Variants in GRIN2B observed in about 807,000 individuals in gnomAD.
GRIN2B encodes the protein glutamate ionotropic receptor NMDA type subunit 2B.
GRIN2B carries 5 observed loss-of-function variants against 114.5 expected under a neutral mutation model. The ratio of observed to expected loss-of-function variants is 0.04; its 90% CI spans 0.02 to 0.09. The LOEUF (loss-of-function observed/expected upper bound fraction) is 0.09. GRIN2B is among the 10% of genes least tolerant of loss of function. GRIN2B has a pLI of 1.00. For synonymous variants in GRIN2B, 787 were observed against 745.1 expected (o/e 1.06, Z -0.92); for missense variants, 1,108 against 1,943.5 (o/e 0.57, Z 8.08).
At chr12:13,686,755 TGC>T (rs1950176935) in intron 4 of GRIN2B, among the ~76,000 whole-genome samples, 1 of 152,142 alleles carries the variant, frequency 6.6e-6, no homozygotes, top group Non-Finnish European at 1.5e-5. Flanking sequence ...CTATCACAGC[TGC>T]AAAATCATCA....
In GRIN2B at chr12:13,544,277, A is replaced by G. The variant is rs1948317963; in HGVS notation, c.*18506T>C. The G allele has an allele frequency of 6.6e-6, 1 of 151,984 alleles. No homozygotes were observed. The allele number at this position is 151,984 out of a possible 1,614,324, so 9.4% of individuals were successfully genotyped here. On this transcript the variant is annotated 3_prime_UTR_variant, in exon 14 of 14. Coordinates refer to ENST00000609686, the MANE Select transcript of GRIN2B (RefSeq NM_000834.5). Reference sequence around the variant, plus strand: ...AATGGGATGACCTCCATGTTTCCAGATAGTCTTATCCTACTCAATAATAGT... The same window carrying G: ...AATGGGATGACCTCCATGTTTCCAGGTAGTCTTATCCTACTCAATAATAGT...
At position 13,540,815 on chromosome 12, in the gene GRIN2B, G is replaced by A. The variant is rs534622797; in HGVS notation, c.*21968C>T. The A allele has an allele frequency of 8.5e-5, 13 of 152,370 alleles. No individual in the cohort carries two copies. The highest frequency in any genetic ancestry group is 3.1e-4 in the African/African-American group (13 of 41,562). The allele number at this position is 152,370 out of a possible 1,614,324, so 9.4% of individuals were successfully genotyped here. A position where few individuals can be genotyped will look rare whatever the true frequency, so the allele number is the denominator to read the frequency against. On this transcript the variant is annotated 3_prime_UTR_variant, in exon 14 of 14. Coordinates refer to ENST00000609686, the MANE Select transcript of GRIN2B (RefSeq NM_000834.5). ...TCAAGAGGAAGGAGAGCCGGCCCCA[G>A]GGAGGAGTGTGGAGTCTGGGCCTCG...
intron 4 of GRIN2B, among the ~76,000 whole-genome samples, chr12:13,691,998 C>T (rs796368584): frequency 1.5e-4 from 23 of 152,190 alleles, no homozygotes; most frequent in African/African-American, 5.3e-4. Context: ...TCTAAAGTGT[C>T]GAGGCTGCCA....
At chr12:13,719,913 C>A (rs888896409) in intron 4 of GRIN2B, among the ~76,000 whole-genome samples, 1 of 152,038 alleles carries the variant, frequency 6.6e-6, no homozygotes, top group Non-Finnish European at 1.5e-5. Flanking sequence ...AACAGTACTG[C>A]ATGATTGTGA....
intron 2 of GRIN2B, among the ~76,000 whole-genome samples, chr12:13,914,747 A>T (rs1038904083): frequency 6.6e-6 from 1 of 152,234 alleles, no homozygotes; most frequent in African/African-American, 2.4e-5. Context: ...AATCATAAAA[A>T]ATGAAGTCCT....
At chr12:13,594,642 C>G (rs1305315995) in intron 10 of GRIN2B, among the ~76,000 whole-genome samples, 3 of 150,316 alleles carry the variant, frequency 2.0e-5, no homozygotes, top group Middle Eastern at 3.4e-3. Flanking sequence ...CCCGCACATT[C>G]TGCACATGTA....
chr12:13,876,036 G>C (rs1306019648), intron 2 of GRIN2B, among the ~76,000 whole-genome samples: 1 of 152,218 alleles, frequency 6.6e-6, no homozygotes, highest in Non-Finnish European at 1.5e-5. Flanking sequence ...GATCAGGAGA[G>C]TAATGAGCTA....
chr12:13,621,481 AT>A (rs1398858214), intron 5 of GRIN2B, among the ~76,000 whole-genome samples: 1 of 152,082 alleles, frequency 6.6e-6, no homozygotes, highest in East Asian at 1.9e-4. Context: ...CTAAACAAAC[AT>A]CATTACCATA....
chr12:13,861,962 G>A (rs1294995645), intron 3 of GRIN2B, among the ~76,000 whole-genome samples: 1 of 152,126 alleles, frequency 6.6e-6, no homozygotes. Flanking sequence ...CGACAACCCT[G>A]TAATCAACAT....
intron 3 of GRIN2B, among the ~76,000 whole-genome samples, chr12:13,839,997 T>C (rs1420589471): frequency 6.6e-6 from 1 of 152,200 alleles, no homozygotes; most frequent in East Asian, 1.9e-4. Flanking sequence ...TGGAATAAAA[T>C]GTAATGTTTC....
chr12:13,945,910 C>T (rs1309042379), intron 2 of GRIN2B, among the ~76,000 whole-genome samples: 1 of 152,156 alleles, frequency 6.6e-6, no homozygotes, highest in Non-Finnish European at 1.5e-5. Flanking sequence ...GATGCCAAGC[C>T]ACTGCTCATA....
rs769044981 is a variant in GRIN2B, at chr12:13,557,738, C to T, written c.*5045G>A. 1.3e-5 allele frequency: 2 copies of T among 152,208 alleles called. No individual in the cohort carries two copies. The highest frequency in any genetic ancestry group is 2.9e-5 in the Non-Finnish European group (2 of 68,042). 9.4% of individuals were successfully genotyped at this position (152,208 alleles called of 1,614,324 possible). The stretch of plus-strand genomic sequence containing the variant: ...GTCTTTGCCATCTAGAACCTGTATC[C>T]TTGTTCCCTACTCTATTGCTCTCAG... On this transcript the variant is annotated 3_prime_UTR_variant, in exon 14 of 14. Coordinates refer to ENST00000609686, the MANE Select transcript of GRIN2B (RefSeq NM_000834.5).
chr12:13,801,779 G>A (rs964560185), intron 3 of GRIN2B, among the ~76,000 whole-genome samples: 3 of 152,128 alleles, frequency 2.0e-5, no homozygotes, highest in African/African-American at 7.2e-5. Flanking sequence ...AGACCACTCA[G>A]CTCATTTCTG....
At chr12:13,599,725 T>C (rs1290582596) in intron 10 of GRIN2B, among the ~76,000 whole-genome samples, 3 of 152,226 alleles carry the variant, frequency 2.0e-5, no homozygotes, top group Admixed American at 6.5e-5. Context: ...GTTAGCTAAA[T>C]AGAATAGCTC....
In GRIN2B at chr12:13,716,589, G is replaced by T. The variant is rs532682221; in HGVS notation, c.1010+36728C>A. ...GATTGATGTCGAATTTTTCAAGAAA[G>T]ATGGAAGACAGGGATATGGAATGAA... On this transcript the variant is annotated intron_variant, in intron 4 of 13. Coordinates refer to ENST00000609686, the MANE Select transcript of GRIN2B (RefSeq NM_000834.5). Among the ~76,000 whole-genome samples the T allele has an allele frequency of 4.6e-5, 7 of 152,016 alleles. 1 individual carries two copies. In the South Asian group the frequency reaches 1.5e-3, roughly 32 times the overall value.
At chr12:13,693,270 C>G (rs1680493751) in intron 4 of GRIN2B, among the ~76,000 whole-genome samples, 1 of 151,874 alleles carries the variant, frequency 6.6e-6, no homozygotes, top group South Asian at 2.1e-4. Context: ...TTTCCAAGAC[C>G]CTATCGATGA....
In GRIN2B at chr12:13,550,137, A is replaced by G. The variant is rs901623196; in HGVS notation, c.*12646T>C. The G allele has an allele frequency of 3.3e-5, 5 of 152,236 alleles. No individual in the cohort carries two copies. The highest frequency in any genetic ancestry group is 5.9e-5 in the Non-Finnish European group (4 of 68,042). The allele number at this position is 152,236 out of a possible 1,614,324, so 9.4% of individuals were successfully genotyped here. On this transcript the variant is annotated 3_prime_UTR_variant, in exon 14 of 14. Transcript: ENST00000609686. ...GACTTCTCATCTGTAAAACTGAAAGATGATCTTATTTCCAAGTCAAAGGAG... is the reference window on the plus strand; with the variant it reads ...GACTTCTCATCTGTAAAACTGAAAGGTGATCTTATTTCCAAGTCAAAGGAG...
chr12:13,583,141 C>A (rs751193298), intron 10 of GRIN2B, among the ~76,000 whole-genome samples: 7 of 152,138 alleles, frequency 4.6e-5, no homozygotes, highest in Non-Finnish European at 8.8e-5. Flanking sequence ...ACATCAGTAG[C>A]ACACATTTAA....
Position 13,552,240 on chromosome 12 carries a change from A to G in GRIN2B, c.*10543T>C, listed in dbSNP as rs1435978193. The G allele has an allele frequency of 6.6e-6, 1 of 152,226 alleles. No homozygotes were observed. The highest frequency in any genetic ancestry group is 1.5e-5 in the Non-Finnish European group (1 of 68,052). 9.4% of individuals were successfully genotyped at this position (152,226 alleles called of 1,614,324 possible). ...GTGCTGTAATCTGAAGGACCTGGGC[A>G]GGAATGACATGGGGCCAGGTTCCTT... On this transcript the variant is annotated 3_prime_UTR_variant, in exon 14 of 14. Coordinates refer to ENST00000609686, the MANE Select transcript of GRIN2B (RefSeq NM_000834.5).
Sources: allele counts gnomAD v4.1 joint callset (sites outside exome capture counted in the v4.1 genomes callset), GRCh38; gene constraint gnomAD v4.1.1; transcripts MANE v1.5; gene names NCBI Gene and HGNC (gene_info 2026-07-23, HGNC 2026-07-21).